Variants in PRKCH observed in about 807,000 individuals in gnomAD.
PRKCH encodes the protein protein kinase C eta.
Under a neutral mutation model 82.5 loss-of-function variants are expected in PRKCH, and 28 were observed. The observed-to-expected ratio is 0.34, with a 90% confidence interval of 0.25 to 0.47. The LOEUF (loss-of-function observed/expected upper bound fraction) is 0.47, where lower values mean the gene tolerates loss of function less well. Among genes scored for constraint, PRKCH ranks in the 20% least tolerant of loss-of-function variants. The pLI is 1.00. For missense variants in PRKCH, 705 were observed against 881.8 expected (o/e 0.80, Z 2.54); for synonymous variants, 322 against 327.4 (o/e 0.98, Z 0.18).
chr14:61,204,315 C>T (rs12587353), intron 1 of PRKCH, among the ~76,000 whole-genome samples: 30,531 of 151,950 alleles, frequency 0.2, 3,405 homozygotes, highest in Non-Finnish European at 0.25. Flanking sequence ...AAGGTAAATT[C>T]CATTATTTTG....
At chr14:61,432,042 G>C (rs536019775) in intron 2 of PRKCH, among the ~76,000 whole-genome samples, 5 of 145,422 alleles carry the variant, frequency 3.4e-5, no homozygotes, top group Non-Finnish European at 7.5e-5. Flanking sequence ...CACCTCTATT[G>C]GTTTGGAAGA....
intron 1 of PRKCH, among the ~76,000 whole-genome samples, chr14:61,379,428 A>G (rs1446826922): frequency 1.3e-5 from 2 of 152,234 alleles, no homozygotes; most frequent in Admixed American, 1.3e-4. Flanking sequence ...AGACTGAGCA[A>G]TGAATAATTA....
chr14:61,504,479 C>T (rs889704872), intron 10 of PRKCH, among the ~76,000 whole-genome samples: 3 of 152,148 alleles, frequency 2.0e-5, no homozygotes, highest in African/African-American at 4.8e-5. Flanking sequence ...CATGAGCCAC[C>T]GCACCCAGCC....
rs938541372 is a variant in PRKCH at position 61,364,240 on chromosome 14, TAGC to T, written c.364-26982_364-26980del. ...AAGTCACCCTTAGTATTTGATGAAGTAGCAGGCAAGATAGAATGGGATTGGGAA... is the reference window on the plus strand; with the variant it reads ...AAGTCACCCTTAGTATTTGATGAAGTAGGCAAGATAGAATGGGATTGGGAA... On this transcript the variant is annotated intron_variant, in intron 1 of 13. Coordinates refer to ENST00000332981, the MANE Select transcript of PRKCH (RefSeq NM_006255.5). Among the ~76,000 whole-genome samples the T allele has an allele frequency of 1.6e-4, 24 of 151,446 alleles. 1 individual carries two copies. The highest frequency in any genetic ancestry group is 4.4e-5 in the Non-Finnish European group (3 of 67,926).
intron 1 of PRKCH, among the ~76,000 whole-genome samples, chr14:61,324,619 CA>C (rs905768984): frequency 6.6e-6 from 1 of 151,848 alleles, no homozygotes; most frequent in Non-Finnish European, 1.5e-5. Flanking sequence ...TTTATAGGTT[CA>C]AAAATGCTTT....
At chr14:61,241,778 T>G (rs1035166304) in intron 1 of PRKCH, among the ~76,000 whole-genome samples, 8 of 152,210 alleles carry the variant, frequency 5.3e-5, no homozygotes, top group African/African-American at 1.9e-4. Context: ...ATGTCCTCTT[T>G]GAACCGCATC....
In PRKCH at chr14:61,457,501, C is replaced by T. The variant is rs773793648; in HGVS notation, c.1105-5C>T. The T allele has an allele frequency of 6.2e-6, 10 of 1,613,462 alleles. No homozygotes were observed. Among genetic ancestry groups the T allele is most frequent in the South Asian group, 3.3e-5 (3 of 90,980 alleles). On this transcript the variant is annotated splice_polypyrimidine_tract_variant and splice_region_variant and intron_variant, in intron 8 of 13. Transcript: ENST00000332981. Reference sequence around the variant, plus strand: ...CTCATGCTCCCTCCTTTTGCTTTGCCATAGGTGATGCTTGCAAGAGTAAAA... The same window carrying T: ...CTCATGCTCCCTCCTTTTGCTTTGCTATAGGTGATGCTTGCAAGAGTAAAA...
At chr14:61,338,922 C>T (rs570767195) in intron 1 of PRKCH, among the ~76,000 whole-genome samples, 10 of 152,154 alleles carry the variant, frequency 6.6e-5, no homozygotes, top group African/African-American at 1.7e-4. Context: ...TTGTGCCTGT[C>T]AAGATATTAA....
intron 1 of PRKCH, among the ~76,000 whole-genome samples, chr14:61,197,732 G>A (rs1166889141): frequency 6.6e-6 from 1 of 152,160 alleles, no homozygotes; most frequent in Non-Finnish European, 1.5e-5. Flanking sequence ...GTTTCAACAT[G>A]AGTGTTGGAG....
In PRKCH at chr14:61,280,375, G is replaced by A. The variant is rs749903965; in HGVS notation, c.-19+92707G>A. 5 of 1,613,890 alleles carry A rather than the reference G, an allele frequency of 3.1e-6. No individual in the cohort carries two copies. In the Admixed American group the frequency reaches 5.0e-5, roughly 16 times the overall value. The stretch of plus-strand genomic sequence containing the variant: ...GTACAGTTTGCGGAACGTGGGCAGC[G>A]CCGCCGTGCGCATCCACACCACGAA... On this transcript the variant is annotated intron_variant, in intron 1 of 3. Transcript: ENST00000555185. This position sits in a 1 kb window ranked among gnomAD's most constrained non-coding sequence, Gnocchi z 5.0.
At chr14:61,339,521 CA>C (rs1456518961) in intron 1 of PRKCH, among the ~76,000 whole-genome samples, 2 of 149,284 alleles carry the variant, frequency 1.3e-5, no homozygotes, top group Non-Finnish European at 3.0e-5. Flanking sequence ...GACGGGGTTT[CA>C]CCTTGTTAGC....
intron 1 of PRKCH, among the ~76,000 whole-genome samples, chr14:61,380,847 A>T (rs991633812): frequency 1.3e-5 from 2 of 152,212 alleles, no homozygotes; most frequent in Admixed American, 1.3e-4. Context: ...GGGCAGAAAA[A>T]CTTTGAAAAA....
At chr14:61,329,333 T>C (rs1400338000) in intron 1 of PRKCH, among the ~76,000 whole-genome samples, 2 of 134,252 alleles carry the variant, frequency 1.5e-5, no homozygotes, top group African/African-American at 5.4e-5. Flanking sequence ...GCCTCCCAGG[T>C]TCAAGCGATT....
intron 1 of PRKCH, among the ~76,000 whole-genome samples, chr14:61,192,092 C>T (rs1427474990): frequency 6.6e-6 from 1 of 151,906 alleles, no homozygotes; most frequent in Non-Finnish European, 1.5e-5. Context: ...TAGGCAACTC[C>T]ACCAGTTAGG....
intron 1 of PRKCH, among the ~76,000 whole-genome samples, chr14:61,272,230 A>G (rs1465209972): frequency 3.5e-5 from 3 of 84,664 alleles, no homozygotes; most frequent in African/African-American, 9.3e-5. Flanking sequence ...TCGGTCTCCA[A>G]AAAAAAAAGA....
chr14:61,440,336 G>A (rs1179188464), intron 2 of PRKCH, among the ~76,000 whole-genome samples: 1 of 152,144 alleles, frequency 6.6e-6, no homozygotes, highest in Non-Finnish European at 1.5e-5. Flanking sequence ...TGGACAACAG[G>A]GGCATTTTTA....
chr14:61,219,920 C>G (rs117984674), intron 1 of PRKCH, among the ~76,000 whole-genome samples: 24 of 152,302 alleles, frequency 1.6e-4, no homozygotes, highest in Non-Finnish European at 3.2e-4. Flanking sequence ...TTGCAATGCT[C>G]AGATGAATTT....
rs72725880 is a variant in PRKCH at position 61,269,645 on chromosome 14, T to C, written c.-19+81977T>C. ...GTTTTCTGAGGAGCTTTAATTTCTA[T>C]AGCTACTATTTACATGCACATACAC... On this transcript the variant is annotated intron_variant, in intron 1 of 3. Coordinates refer to the PRKCH transcript ENST00000555185. Among the ~76,000 whole-genome samples the C allele has an allele frequency of 2.0e-3, 303 of 152,370 alleles. 2 individuals carry two copies. Among genetic ancestry groups the C allele is most frequent in the Non-Finnish European group, 3.5e-3 (240 of 68,038 alleles).
At chr14:61,317,250 C>T (rs147984647), upstream of PRKCH, among the ~76,000 whole-genome samples, 75 of 152,256 alleles carry the variant, frequency 4.9e-4, no homozygotes, top group East Asian at 0.014. Context: ...GTGATTCCAT[C>T]TTCTTCCTCA....
Sources: allele counts gnomAD v4.1 joint callset (sites outside exome capture counted in the v4.1 genomes callset), GRCh38; gene constraint gnomAD v4.1.1; non-coding constraint Gnocchi (gnomAD v3.1); transcripts MANE v1.5; gene names NCBI Gene and HGNC (gene_info 2026-07-23, HGNC 2026-07-21).